Variants in CMIP observed in about 807,000 individuals in gnomAD.
The protein encoded by CMIP is C-Maf-inducing protein.
In CMIP, 13 loss-of-function variants were observed where a neutral mutation model predicts 97.3. That is an observed-to-expected ratio of 0.13 (90% CI 0.09 to 0.21). CMIP has a LOEUF of 0.21. Among genes scored for constraint, CMIP ranks in the 10% least tolerant of loss-of-function variants. CMIP has a pLI of 1.00. For missense variants in CMIP, 847 were observed against 1,024.9 expected (o/e 0.83, Z 2.37); for synonymous variants, 538 against 436.3 (o/e 1.23, Z -2.91).
chr16:81,540,839 C>G (rs1362231426), intron 1 of CMIP, among the ~76,000 whole-genome samples: 2 of 152,064 alleles, frequency 1.3e-5, no homozygotes, highest in Non-Finnish European at 2.9e-5. Context: ...TGCCACCACG[C>G]CTGGCTAATT....
Position 81,678,331 on chromosome 16 carries a change from A to C in CMIP, c.1091A>C (p.Asp364Ala). Residue 364 changes from aspartate (D) to alanine (A), a missense_variant, in exon 10 of 21, where the codon GAC becomes GCC. Coordinates refer to ENST00000537098, the MANE Select transcript of CMIP (RefSeq NM_198390.3). ...CGGAACGGCTGCCAGCAGCCGTGCG[A>C]CCGGAAGCCCACTTTACCTCTGCGC... ...EIRNGCQQPC[D>A]RKPTLPLRLL... 1 of 1,611,272 alleles carries C rather than the reference A, an allele frequency of 6.2e-7. No homozygotes were observed. Among genetic ancestry groups the C allele is most frequent in the Non-Finnish European group, 8.5e-7 (1 of 1,178,346 alleles).
chr16:81,632,310 C>G (rs916945045), intron 3 of CMIP, among the ~76,000 whole-genome samples: 1 of 152,224 alleles, frequency 6.6e-6, no homozygotes, highest in Non-Finnish European at 1.5e-5. Context: ...TCCTTCAAGT[C>G]CATTTTCCCC....
chr16:81,498,646 C>G (rs1174722249), intron 1 of CMIP, among the ~76,000 whole-genome samples: 1 of 152,216 alleles, frequency 6.6e-6, no homozygotes, highest in Admixed American at 6.5e-5. Context: ...CTTGCATACC[C>G]CACGAGCACA....
At chr16:81,676,844 A>C (rs1328304848) in intron 9 of CMIP, among the ~76,000 whole-genome samples, 1 of 151,556 alleles carries the variant, frequency 6.6e-6, no homozygotes, top group African/African-American at 2.4e-5. Flanking sequence ...CCCCAAACAC[A>C]ATGCCAGCTG....
intron 2 of CMIP, among the ~76,000 whole-genome samples, chr16:81,609,687 G>A (rs2091800048): frequency 6.6e-6 from 1 of 152,246 alleles, no homozygotes; most frequent in African/African-American, 2.4e-5. Context: ...TTTGAACTGG[G>A]TGTAGAGGGA....
intron 3 of CMIP, among the ~76,000 whole-genome samples, chr16:81,633,440 C>T (rs937229343): frequency 6.6e-6 from 1 of 152,226 alleles, no homozygotes; most frequent in Admixed American, 6.5e-5. Flanking sequence ...CTTGTCCCCA[C>T]AGAGGAATTA....
rs139868432 is a variant in CMIP at position 81,554,406 on chromosome 16, C to T, written c.301-53161C>T. 4.1e-4 allele frequency among the ~76,000 whole-genome samples: 62 copies of T among 152,282 alleles called. No individual in the cohort carries two copies. The East Asian group carries it at 9.6e-3, about 24-fold the overall frequency. ...TTGGGCAGGAGATTCCTGTAGCATCCGTTCTGCTACTTCTCAGAACTGTGT... is the reference window on the plus strand; with the variant it reads ...TTGGGCAGGAGATTCCTGTAGCATCTGTTCTGCTACTTCTCAGAACTGTGT... On this transcript the variant is annotated intron_variant, in intron 1 of 20. Coordinates refer to ENST00000537098, the MANE Select transcript of CMIP (RefSeq NM_198390.3).
intron 1 of CMIP, among the ~76,000 whole-genome samples, chr16:81,598,306 C>T (rs997037852): frequency 3.3e-5 from 5 of 152,180 alleles, no homozygotes; most frequent in Admixed American, 2.0e-4. Flanking sequence ...ACCAACAGGG[C>T]GGCGCCTGGC....
intron 17 of CMIP, 47 bp from the exon 18 acceptor site, chr16:81,703,892 G>A (rs770136164): frequency 1.2e-5 from 18 of 1,560,196 alleles, no homozygotes; most frequent in East Asian, 4.7e-5. Flanking sequence ...TCAGGGTCTC[G>A]GGAACTCCCA....
chr16:81,551,775 A>T (rs2090663099), intron 1 of CMIP, among the ~76,000 whole-genome samples: 2 of 152,198 alleles, frequency 1.3e-5, no homozygotes, highest in Admixed American at 1.3e-4. Context: ...CTGCTTCCAG[A>T]GGTGGCTGAG....
chr16:81,527,651 T>C (rs1225508218), intron 1 of CMIP, among the ~76,000 whole-genome samples: 1 of 152,204 alleles, frequency 6.6e-6, no homozygotes, highest in Non-Finnish European at 1.5e-5. Context: ...TGTCTGTGTT[T>C]ATTTAGTTTT....
intron 1 of CMIP, among the ~76,000 whole-genome samples, chr16:81,591,093 GA>G (rs1339210586): frequency 2.0e-5 from 3 of 152,154 alleles, no homozygotes; most frequent in African/African-American, 7.2e-5. Flanking sequence ...GCTAAGCTCT[GA>G]TTTAGAGTTA....
intron 1 of CMIP, among the ~76,000 whole-genome samples, chr16:81,542,418 A>T (rs1431503475): frequency 6.6e-6 from 1 of 152,074 alleles, no homozygotes; most frequent in Non-Finnish European, 1.5e-5. Context: ...AGCATGGCGT[A>T]GGTTGGGAGA....
chr16:81,659,057 T>C (rs2092516293), intron 5 of CMIP, among the ~76,000 whole-genome samples: 1 of 152,306 alleles, frequency 6.6e-6, no homozygotes, highest in Non-Finnish European at 1.5e-5. Flanking sequence ...ACGCTAACAG[T>C]ATAGAGGTTT....
chr16:81,516,936 C>T (rs2089925929), intron 1 of CMIP, among the ~76,000 whole-genome samples: 2 of 151,982 alleles, frequency 1.3e-5, no homozygotes, highest in South Asian at 4.2e-4. Context: ...CCAAGGTCAT[C>T]AGTGAAAAAC....
At chr16:81,685,287 G>A (rs1047231927) in intron 10 of CMIP, among the ~76,000 whole-genome samples, 7 of 152,174 alleles carry the variant, frequency 4.6e-5, no homozygotes, top group African/African-American at 1.7e-4. Flanking sequence ...CCGAGAGGAG[G>A]AGGCTTCTGT....
At chr16:81,697,166 C>T (rs760849385) in intron 14 of CMIP, 1 of 169,802 alleles carries the variant, frequency 5.9e-6, no homozygotes, top group Non-Finnish European at 1.3e-5. Context: ...CCAATAGCTG[C>T]ATCCATGATA....
chr16:81,669,764 A>G (rs933436594), intron 7 of CMIP, among the ~76,000 whole-genome samples: 8 of 148,890 alleles, frequency 5.4e-5, no homozygotes, highest in African/African-American at 2.0e-4. Flanking sequence ...CTCCTTCCAC[A>G]CCCACCTCTC....
chr16:81,648,820 A>T (rs868284409), intron 3 of CMIP, among the ~76,000 whole-genome samples: 1,215 of 106,344 alleles, frequency 0.011, 18 homozygotes, highest in African/African-American at 0.039. Flanking sequence ...AAAAAAAAAA[A>T]GCCCTGAAGA....
Sources: allele counts gnomAD v4.1 joint callset (sites outside exome capture counted in the v4.1 genomes callset), GRCh38; gene constraint gnomAD v4.1.1; transcripts MANE v1.5; gene names NCBI Gene and HGNC (gene_info 2026-07-23, HGNC 2026-07-21).